Variants in PLAA observed in about 807,000 individuals in gnomAD.
PLAA encodes phospholipase A-2-activating protein.
Under a neutral mutation model 84.1 loss-of-function variants are expected in PLAA, and 48 were observed. The observed-to-expected ratio is 0.57, with a 90% CI of 0.45 to 0.73. The LOEUF is 0.73. Ranked by LOEUF, PLAA falls within the 30% of genes least tolerant of loss-of-function variation. The pLI is 0.00. For missense variants in PLAA, 903 were observed against 954.7 expected, an observed-to-expected ratio of 0.95 and a Z score of 0.71; for synonymous variants, 392 against 336.6, an observed-to-expected ratio of 1.16 and a Z score of -1.80.
rs1276279822 is a variant in PLAA, at chr9:26,947,155, C to A, written c.-110G>T. On this transcript the variant is annotated 5_prime_UTR_variant, in exon 1 of 14. Transcript: ENST00000397292. ...GGGAGAAGAGCCTGCAGGTAAGGGG[C>A]GGCCGGAGACCGGAAGAGCCCGAGA... is the stretch of plus-strand genomic sequence containing the variant. 8 of 1,278,886 alleles carry A rather than the reference C, an allele frequency of 6.3e-6. No individual in the cohort carries two copies. Among genetic ancestry groups the A allele is most frequent in the African/African-American group, 1.6e-5 (1 of 63,660 alleles). The allele number at this position is 1,278,886 out of a possible 1,614,324, so 79.2% of individuals were successfully genotyped here. A position where few individuals can be genotyped will look rare whatever the true frequency, so the allele number is the denominator to read the frequency against.
Position 26,908,849 on chromosome 9 carries a change from A to G in PLAA, c.1658-851T>C, listed in dbSNP as rs571840800. Among the ~76,000 whole-genome samples the G allele has an allele frequency of 9.8e-5, 15 of 152,328 alleles. No homozygotes were observed. In the East Asian group the frequency reaches 2.9e-3, roughly 29 times the overall value. On this transcript the variant is annotated intron_variant, in intron 12 of 13. Coordinates refer to ENST00000397292, the MANE Select transcript of PLAA (RefSeq NM_001031689.3). The stretch of plus-strand genomic sequence containing the variant: ...TGTAAGTCAATAACCTAGTTTCTCC[A>G]TGAGAAAATTTATAACAACTTTTTA...
At position 26,923,335 on chromosome 9, in the gene PLAA, A is replaced by G. The variant is rs1470167494; in HGVS notation, c.882T>C (p.Ile294=). 6.2e-7 allele frequency: 1 copy of G among 1,606,770 alleles called. No individual in the cohort carries two copies. Among genetic ancestry groups the G allele is most frequent in the Admixed American group, 1.7e-5 (1 of 59,164 alleles). The stretch of plus-strand genomic sequence containing the variant: ...GATCTTCTGATTCTGTAAACACTCT[A>G]ATAATGCCATCACTGTAAGGAAAAA... The part of the protein sequence containing the change: ...DIVVGASDGI[I]RVFTESEDRT... The change falls in exon 7 of 14, where the codon ATT becomes ATC. Residue 294 remains isoleucine, a synonymous_variant. Transcript: ENST00000397292.
At chr9:26,942,779 G>A (rs1017570985) in intron 1 of PLAA, among the ~76,000 whole-genome samples, 1 of 150,850 alleles carries the variant, frequency 6.6e-6, no homozygotes. Context: ...CTACTCGGGA[G>A]GCTAAGGCAG....
At chr9:26,924,144 C>A (rs1587167909) in intron 6 of PLAA, among the ~76,000 whole-genome samples, 2 of 151,178 alleles carry the variant, frequency 1.3e-5, no homozygotes, top group Admixed American at 1.3e-4. Context: ...TTCTCTTTTT[C>A]TTTGAGACAG....
At chr9:26,946,784 A>T in intron 1 of PLAA, 113 bp downstream of exon 1, 1 of 1,215,588 alleles carries the variant, frequency 8.2e-7, no homozygotes, top group East Asian at 2.6e-5. Context: ...CGGAGAGCAG[A>T]GGGAAGGCTG....
At position 26,935,726 on chromosome 9, in the gene PLAA, C is replaced by T. The variant is rs189144125; in HGVS notation, c.150-520G>A. Reference sequence around the variant, plus strand: ...AATCTTTTGCCTTCCCTGGGCCACACTGAAGAAGAAGAATTGTCTTGAGCC... The same window carrying T: ...AATCTTTTGCCTTCCCTGGGCCACATTGAAGAAGAAGAATTGTCTTGAGCC... On this transcript the variant is annotated intron_variant, in intron 1 of 13. Coordinates refer to ENST00000397292, the MANE Select transcript of PLAA (RefSeq NM_001031689.3). 5.9e-5 allele frequency among the ~76,000 whole-genome samples: 9 copies of T among 152,118 alleles called. No homozygotes were observed. The East Asian group carries it at 1.7e-3, about 29-fold the overall frequency.
intron 7 of PLAA, 69 bp downstream of exon 7, chr9:26,923,109 T>C: frequency 1.7e-6 from 2 of 1,146,122 alleles, no homozygotes; most frequent in Non-Finnish European, 2.5e-6. Flanking sequence ...ACAACATTTA[T>C]TTTTCTTCTA....
chr9:26,944,283 T>G (rs752330981), intron 1 of PLAA, among the ~76,000 whole-genome samples: 6 of 152,032 alleles, frequency 3.9e-5, no homozygotes, highest in Admixed American at 2.6e-4. Flanking sequence ...TCCAGAACTA[T>G]GAAAAATACA....
intron 7 of PLAA, among the ~76,000 whole-genome samples, chr9:26,921,265 T>A (rs140944262): frequency 3.3e-5 from 5 of 152,346 alleles, no homozygotes; most frequent in Admixed American, 6.5e-5. Context: ...CAACAAGGCC[T>A]TCAGTGGCGG....
At chr9:26,918,994 T>C (rs1159541191) in intron 9 of PLAA, among the ~76,000 whole-genome samples, 1 of 152,200 alleles carries the variant, frequency 6.6e-6, no homozygotes, top group East Asian at 1.9e-4. Flanking sequence ...GAAAAAAAGA[T>C]TTACTAAATT....
At chr9:26,931,241 C>T (rs1004072668) in intron 2 of PLAA, among the ~76,000 whole-genome samples, 3 of 152,026 alleles carry the variant, frequency 2.0e-5, no homozygotes, top group African/African-American at 7.2e-5. Flanking sequence ...AGCATTTATT[C>T]TGTCTTTTCT....
chr9:26,939,484 C>CAAAAA (rs58833364), intron 1 of PLAA, among the ~76,000 whole-genome samples: 6 of 76,908 alleles, frequency 7.8e-5, no homozygotes, highest in Non-Finnish European at 1.4e-4. Context: ...GATGAGAGAC[C>CAAAAA]AAAAAAAAAA....
intron 2 of PLAA, among the ~76,000 whole-genome samples, chr9:26,932,651 A>G (rs936701023): frequency 6.6e-6 from 1 of 152,224 alleles, no homozygotes; most frequent in African/African-American, 2.4e-5. Flanking sequence ...TGTATTTATA[A>G]ATGAAACAGC....
In PLAA at chr9:26,925,891, C is replaced by T. The variant is rs372314055; in HGVS notation, c.803G>A (p.Arg268Gln). 99 of 1,613,616 alleles carry T rather than the reference C, an allele frequency of 6.1e-5. No individual in the cohort carries two copies. Among genetic ancestry groups the T allele is most frequent in the Non-Finnish European group, 8.1e-5 (96 of 1,179,678 alleles). ...GCACCATATAGACTGAGCTGGAAGTCGGATAGTTTGAGCACATTCCCCATG... is the reference window on the plus strand; with the variant it reads ...GCACCATATAGACTGAGCTGGAAGTTGGATAGTTTGAGCACATTCCCCATG... ...WKHGECAQTI[R>Q]LPAQSIWCCC... Residue 268 changes from arginine to glutamine, a missense_variant, in exon 6 of 14, where the codon CGA becomes CAA. Arg to Gln is a conservative substitution (Grantham distance 43, BLOSUM62 1). Coordinates refer to ENST00000397292, the MANE Select transcript of PLAA (RefSeq NM_001031689.3).
Position 26,917,076 on chromosome 9 carries a change from T to A in PLAA, c.1486+21A>T, listed in dbSNP as rs750815626. 2.5e-6 allele frequency: 4 copies of A among 1,600,222 alleles called. No homozygotes were observed. In the East Asian group the frequency reaches 6.7e-5, roughly 27 times the overall value. Reference sequence around the variant, plus strand: ...TATACATTTAGTGAAGAAAGATACATGAATCAAAACTACATCCCACCTGTA... The same window carrying A: ...TATACATTTAGTGAAGAAAGATACAAGAATCAAAACTACATCCCACCTGTA... On this transcript the variant is annotated intron_variant, in intron 10 of 13. Transcript: ENST00000397292.
intron 12 of PLAA, among the ~76,000 whole-genome samples, chr9:26,909,617 CTTT>C (rs367983051): frequency 1.4e-5 from 2 of 142,328 alleles, no homozygotes; most frequent in Non-Finnish European, 1.5e-5. Flanking sequence ...AGATTAATTT[CTTT>C]TTTTTTTTTT....
chr9:26,937,238 A>G (rs1286211451), intron 1 of PLAA, among the ~76,000 whole-genome samples: 4 of 152,174 alleles, frequency 2.6e-5, no homozygotes. Flanking sequence ...TTCAAAAGGA[A>G]CTACATATAT....
At chr9:26,923,374 G>C (rs1331372605) in intron 6 of PLAA, 27 bp from the exon 7 acceptor site, 3 of 1,529,794 alleles carry the variant, frequency 2.0e-6, no homozygotes. Flanking sequence ...ACTGATTTTA[G>C]AAGTCATTGC....
intron 2 of PLAA, among the ~76,000 whole-genome samples, chr9:26,930,066 G>A (rs7851339): frequency 0.11 from 17,325 of 151,530 alleles, 1,109 homozygotes; most frequent in South Asian, 0.23. Flanking sequence ...ATTCAAGGAA[G>A]GCACATGCTT....
Sources: allele counts gnomAD v4.1 joint callset (sites outside exome capture counted in the v4.1 genomes callset), GRCh38; gene constraint gnomAD v4.1.1; transcripts MANE v1.5; gene names NCBI Gene and HGNC (gene_info 2026-07-23, HGNC 2026-07-21).